The following CENPS variants were observed in gnomAD, a reference collection of about 807,000 sequenced individuals.
The protein encoded by CENPS is FANCM associated histone fold protein 1.
CENPS carries 16 observed loss-of-function variants against 17.9 expected under a neutral mutation model. That is an observed-to-expected ratio of 0.90 (90% CI 0.61 to 1.36). The LOEUF (loss-of-function observed/expected upper bound fraction) is 1.36. CENPS is among the 40% of genes most tolerant of loss of function. The probability of loss-of-function intolerance (pLI) is 0.00; values close to 1 mark genes in which losing one functional copy is unlikely to be tolerated. For synonymous variants in CENPS, 49 were observed against 55.8 expected (o/e 0.88, Z 0.54); for missense variants, 160 against 158.6 (o/e 1.01, Z -0.05).
chr1:10,438,865 A>C (rs1426449490), intron 3 of CENPS, among the ~76,000 whole-genome samples: 1 of 152,190 alleles, frequency 6.6e-6, no homozygotes, highest in Non-Finnish European at 1.5e-5. Context: ...GAAGAATGTA[A>C]ATACAGACAG....
intron 3 of CENPS, among the ~76,000 whole-genome samples, chr1:10,435,668 G>GA (rs139414763): frequency 1.4e-5 from 2 of 142,016 alleles, no homozygotes; most frequent in African/African-American, 5.1e-5. Flanking sequence ...TTAGCTGTGG[G>GA]AAAAAAAAAT....
chr1:10,438,319 C>T lies in CENPS; in HGVS notation c.210-2028C>T, dbSNP rs541591358. Reference sequence around the variant, plus strand: ...ACCACCATGCCCGGGTAATTTTTGTCGTTGTAGTAGAGACAGGGTTTCACT... The same window carrying T: ...ACCACCATGCCCGGGTAATTTTTGTTGTTGTAGTAGAGACAGGGTTTCACT... On this transcript the variant is annotated intron_variant, in intron 3 of 4. Coordinates refer to ENST00000309048, the MANE Select transcript of CENPS (RefSeq NM_199294.3). Among the ~76,000 whole-genome samples the T allele has an allele frequency of 2.6e-5, 4 of 151,742 alleles. No homozygotes were observed. In the East Asian group the frequency reaches 5.9e-4, roughly 22 times the overall value.
At position 10,433,855 on chromosome 1, in the gene CENPS, C is replaced by T; in HGVS notation, c.65C>T (p.Ala22Val). ...GTTTTTCCCCAGAGGCTAAAGGCAGCAGTTCACTATACTGTGGGTTGTCTT... is the reference window on the plus strand; with the variant it reads ...GTTTTTCCCCAGAGGCTAAAGGCAGTAGTTCACTATACTGTGGGTTGTCTT... ...RFSYQQRLKA[A>V]VHYTVGCLCE... Residue 22 changes from alanine (A) to valine (V), a missense_variant, in exon 2 of 5, where the codon GCA becomes GTA. Ala to Val is a moderately conservative substitution (Grantham distance 64). Transcript: ENST00000309048. 6.2e-7 allele frequency: 1 copy of T among 1,614,176 alleles called. No homozygotes were observed. The highest frequency in any genetic ancestry group is 8.5e-7 in the Non-Finnish European group (1 of 1,180,030).
chr1:10,440,204 C>T (rs2124285896), intron 3 of CENPS, 143 bp from the exon 4 acceptor site: 1 of 1,119,244 alleles, frequency 8.9e-7, no homozygotes, highest in Non-Finnish European at 1.2e-6. Context: ...TTTTGTGTCA[C>T]TTTTGCTTAA....
At chr1:10,438,987 CCT>C (rs1356373823) in intron 3 of CENPS, among the ~76,000 whole-genome samples, 1 of 141,050 alleles carries the variant, frequency 7.1e-6, no homozygotes, top group African/African-American at 2.5e-5. Context: ...TTTTATGTCA[CCT>C]CTGTCTTTTT....
intron 1 of CENPS, 35 bp from the exon 2 acceptor site, chr1:10,433,807 C>G (rs201927735): frequency 6.2e-7 from 1 of 1,613,342 alleles, no homozygotes; most frequent in East Asian, 2.2e-5. Context: ...TTATTTGCAG[C>G]CTTACCCGTG....
rs757318799 is a variant in CENPS at position 10,440,366 on chromosome 1, A to G, written c.229A>G (p.Ile77Val). 5.0e-6 allele frequency: 8 copies of G among 1,614,028 alleles called. No homozygotes were observed. The highest frequency in any genetic ancestry group is 3.3e-5 in the South Asian group (3 of 91,028). ...CTGCAGACATGCGAAAAGAACCACA[A>G]TTAACACTGAAGATGTGAAGCTCTT... ...MFARHAKRTTINTEDVKLLAR... is the reference protein window; with the variant it reads ...MFARHAKRTTVNTEDVKLLAR... Residue 77 changes from isoleucine to valine, a missense_variant, in exon 4 of 5, where the codon ATT (isoleucine) becomes GTT (valine). Physicochemically the swap from Ile to Val is conservative, Grantham distance 29 (BLOSUM62 3). Coordinates refer to ENST00000309048, the MANE Select transcript of CENPS (RefSeq NM_199294.3).
intron 4 of CENPS, among the ~76,000 whole-genome samples, chr1:10,441,807 A>G (rs1223811668): frequency 1.4e-5 from 2 of 146,078 alleles, no homozygotes; most frequent in African/African-American, 2.5e-5. Context: ...TTGTATTTTT[A>G]GTAGAGACGG....
intron 3 of CENPS, among the ~76,000 whole-genome samples, chr1:10,437,176 G>A (rs1167556836): frequency 6.6e-6 from 1 of 151,082 alleles, no homozygotes; most frequent in Non-Finnish European, 1.5e-5. Context: ...TTTTTTTCTT[G>A]AGACAGGATC....
At position 10,442,665 on chromosome 1, in the gene CENPS, T is replaced by A. The variant is rs886785406; in HGVS notation, c.*260T>A. 1.0e-5 allele frequency: 4 copies of A among 387,542 alleles called. No individual in the cohort carries two copies. The highest frequency in any genetic ancestry group is 1.6e-3 in the Middle Eastern group (2 of 1,284). 24.0% of individuals were successfully genotyped at this position (387,542 alleles called of 1,614,324 possible). On this transcript the variant is annotated 3_prime_UTR_variant, in exon 5 of 5. Coordinates refer to ENST00000309048, the MANE Select transcript of CENPS (RefSeq NM_199294.3). ...ATGGTGTGTGATCAAATGGTATATA[T>A]TAGAAATTACATCTGTTGTAATTAA...
At chr1:10,433,625 A>G (rs534743305) in intron 1 of CENPS, among the ~76,000 whole-genome samples, 1 of 152,326 alleles carries the variant, frequency 6.6e-6, no homozygotes, top group African/African-American at 2.4e-5. Context: ...TTTACCTGAC[A>G]TAAATCATAA....
At chr1:10,442,200 T>C in intron 4 of CENPS, 65 bp from the exon 5 acceptor site, 3 of 1,526,950 alleles carry the variant, frequency 2.0e-6, no homozygotes, top group Non-Finnish European at 2.6e-6. Context: ...TAGTTTCGTT[T>C]GTTTGTTTAT....
At chr1:10,434,630 AGTGT>A in intron 2 of CENPS, 23 bp from the exon 3 acceptor site, 1 of 1,605,350 alleles carries the variant, frequency 6.2e-7, no homozygotes, top group Non-Finnish European at 8.5e-7. Flanking sequence ...GGGTGCCTAA[AGTGT>A]GTATCTTTTT....
rs749610644 is a variant in CENPS at position 10,440,299 on chromosome 1, T to A, written c.210-48T>A. On this transcript the variant is annotated intron_variant, in intron 3 of 4. Coordinates refer to ENST00000309048, the MANE Select transcript of CENPS (RefSeq NM_199294.3). ...TGAACTTCTGTGTTTCATCAAAACT[T>A]TAAATAATACCAAACATTTTGGTGA... 3 of 1,604,396 alleles carry A rather than the reference T, an allele frequency of 1.9e-6. No individual in the cohort carries two copies. In the Admixed American group the frequency reaches 5.2e-5, roughly 28 times the overall value.
rs1640461141 is a variant in CENPS, at chr1:10,442,525, T to C, written c.*120T>C. 7.5e-7 allele frequency: 1 copy of C among 1,335,710 alleles called. No individual in the cohort carries two copies. Among genetic ancestry groups the C allele is most frequent in the Non-Finnish European group, 9.6e-7 (1 of 1,042,500 alleles). 82.7% of individuals were successfully genotyped at this position (1,335,710 alleles called of 1,614,324 possible). A position where few individuals can be genotyped will look rare whatever the true frequency, so the allele number is the denominator to read the frequency against. ...ATTTAAAAAAATAAAATAAAAAGGC[T>C]GGGCTAGGGTGCTTTTTGTGCTGAA... On this transcript the variant is annotated 3_prime_UTR_variant, in exon 5 of 5. Coordinates refer to ENST00000309048, the MANE Select transcript of CENPS (RefSeq NM_199294.3).
intron 1 of CENPS, among the ~76,000 whole-genome samples, chr1:10,432,921 A>C (rs1639987096): frequency 6.6e-6 from 1 of 152,062 alleles, no homozygotes; most frequent in South Asian, 2.1e-4. Context: ...CAGCTTACCT[A>C]GTCTTGTGAG....
intron 4 of CENPS, among the ~76,000 whole-genome samples, chr1:10,441,620 C>CTTTTTTTTT (rs34369229): frequency 4.1e-5 from 2 of 48,330 alleles, no homozygotes; most frequent in Non-Finnish European, 7.1e-5. Context: ...GGCTACAACT[C>CTTTTTTTTT]TTTTTTTTTT....
At chr1:10,431,156 C>T in intron 1 of CENPS, 2 of 1,447,308 alleles carry the variant, frequency 1.4e-6, no homozygotes, top group Non-Finnish European at 9.0e-7. Flanking sequence ...AGGGTAGCTG[C>T]GGGCATCCCA....
chr1:10,434,304 T>C (rs1483531225), intron 2 of CENPS, among the ~76,000 whole-genome samples: 1 of 152,214 alleles, frequency 6.6e-6, no homozygotes, highest in Non-Finnish European at 1.5e-5. Context: ...CAGCTGAGCT[T>C]GTAGCATTGG....
Sources: allele counts gnomAD v4.1 joint callset (sites outside exome capture counted in the v4.1 genomes callset), GRCh38; gene constraint gnomAD v4.1.1; transcripts MANE v1.5; gene names NCBI Gene and HGNC (gene_info 2026-07-23, HGNC 2026-07-21).